NUMB: variants seen among roughly 807,000 people sequenced by gnomAD.
NUMB encodes NUMB endocytic adaptor protein.
In NUMB, 29 loss-of-function variants were observed where a neutral mutation model predicts 59.7. The observed-to-expected ratio is 0.49, with a 90% CI of 0.36 to 0.66. The LOEUF (loss-of-function observed/expected upper bound fraction) is 0.66. Among genes scored for constraint, NUMB ranks in the 30% least tolerant of loss-of-function variants. The probability of loss-of-function intolerance (pLI) is 0.00; values close to 1 mark genes in which losing one functional copy is unlikely to be tolerated. For synonymous variants in NUMB, 288 were observed against 288.2 expected (o/e 1.00, Z 0.01); for missense variants, 723 against 822.0 (o/e 0.88, Z 1.47).
intron 2 of NUMB, among the ~76,000 whole-genome samples, chr14:73,378,020 T>TACAC (rs760071335): frequency 6.9e-4 from 92 of 134,090 alleles, no homozygotes; most frequent in Non-Finnish European, 1.0e-3. Flanking sequence ...CACACACACA[T>TACAC]ACACACACAC....
Position 73,312,355 on chromosome 14 carries a change from C to T in NUMB, c.234+4035G>A, listed in dbSNP as rs114051666. On this transcript the variant is annotated intron_variant, in intron 6 of 12. Coordinates refer to ENST00000555238, the MANE Select transcript of NUMB (RefSeq NM_001005743.2). The stretch of plus-strand genomic sequence containing the variant: ...TTGCAGTGACCGAGACTGCACCAGC[C>T]TGGGTGATGAAGGGGGACTCTGTCT... 3.2e-3 allele frequency among the ~76,000 whole-genome samples: 494 copies of T among 152,156 alleles called. 2 individuals carry two copies. The highest frequency in any genetic ancestry group is 9.2e-3 in the African/African-American group (384 of 41,540).
At chr14:73,353,727 T>C (rs914290582) in intron 4 of NUMB, among the ~76,000 whole-genome samples, 1 of 151,354 alleles carries the variant, frequency 6.6e-6, no homozygotes, top group African/African-American at 2.4e-5. Flanking sequence ...AATAAATAAA[T>C]GAATAAAATC....
chr14:73,426,394 C>A (rs1185739454), intron 1 of NUMB, among the ~76,000 whole-genome samples: 1 of 152,028 alleles, frequency 6.6e-6, no homozygotes, highest in African/African-American at 2.4e-5. Flanking sequence ...GGGGAACAGG[C>A]AAGAAAAATG....
chr14:73,282,127 T>C (rs1888673000), intron 11 of NUMB: 1 of 445,150 alleles, frequency 2.2e-6, no homozygotes, highest in Non-Finnish European at 4.0e-6. Context: ...CCTTATAGAA[T>C]GGGGTGAAAG....
Position 73,284,065 on chromosome 14 carries a change from G to A in NUMB, c.949+16C>T. The A allele has an allele frequency of 6.2e-7, 1 of 1,611,924 alleles. No homozygotes were observed. The highest frequency in any genetic ancestry group is 8.5e-7 in the Non-Finnish European group (1 of 1,178,156). The stretch of plus-strand genomic sequence containing the variant: ...AGTGCTCGAGTACCCAGTGAGTCAG[G>A]TAGATGCTACATTACCTGCATTTTT... On this transcript the variant is annotated intron_variant, in intron 10 of 12. Coordinates refer to ENST00000555238, the MANE Select transcript of NUMB (RefSeq NM_001005743.2).
intron 1 of NUMB, among the ~76,000 whole-genome samples, chr14:73,438,274 A>C (rs1441643259): frequency 6.6e-6 from 1 of 152,248 alleles, no homozygotes; most frequent in Non-Finnish European, 1.5e-5. Context: ...TCTAAGTGTG[A>C]ACACAATATA....
intron 2 of NUMB, among the ~76,000 whole-genome samples, chr14:73,372,209 G>C (rs2140057670): frequency 6.7e-6 from 1 of 149,388 alleles, no homozygotes; most frequent in South Asian, 2.1e-4. Flanking sequence ...CTCCAGCCTG[G>C]GTGACAGAGC....
intron 2 of NUMB, among the ~76,000 whole-genome samples, chr14:73,377,508 T>G (rs1050979799): frequency 1.3e-5 from 2 of 151,726 alleles, no homozygotes; most frequent in Non-Finnish European, 2.9e-5. Flanking sequence ...GGCTTGGTAG[T>G]ACATGCTTGT....
intron 8 of NUMB, among the ~76,000 whole-genome samples, chr14:73,287,855 A>G (rs971777006): frequency 2.0e-5 from 3 of 152,198 alleles, no homozygotes; most frequent in Non-Finnish European, 4.4e-5. Context: ...TGCTTTTGTA[A>G]GCAGCCATGG....
At position 73,290,312 on chromosome 14, in the gene NUMB, G is replaced by A. The variant is rs1222749932; in HGVS notation, c.450+2422C>T. Among the ~76,000 whole-genome samples the A allele has an allele frequency of 7.2e-5, 11 of 152,248 alleles. No individual in the cohort carries two copies. The East Asian group carries it at 1.9e-3, about 27-fold the overall frequency. On this transcript the variant is annotated intron_variant, in intron 8 of 12. Coordinates refer to ENST00000555238, the MANE Select transcript of NUMB (RefSeq NM_001005743.2). ...ATGAAGGACAGCTTACACAATATTC[G>A]CTAAAATTTTTGGAGTAATGTGGCC... is the stretch of plus-strand genomic sequence containing the variant.
chr14:73,338,773 G>A (rs952124513), intron 4 of NUMB, among the ~76,000 whole-genome samples: 1 of 152,216 alleles, frequency 6.6e-6, no homozygotes. Flanking sequence ...GAGGGCCCAT[G>A]GATGACAGCT....
At chr14:73,364,651 A>G (rs1894252887) in intron 3 of NUMB, among the ~76,000 whole-genome samples, 1 of 152,138 alleles carries the variant, frequency 6.6e-6, no homozygotes, top group Admixed American at 6.5e-5. Flanking sequence ...TTTTTTAGAC[A>G]GGGTCTTGCT....
chr14:73,371,988 T>G (rs1374490749), intron 2 of NUMB, among the ~76,000 whole-genome samples: 1 of 152,024 alleles, frequency 6.6e-6, no homozygotes, highest in East Asian at 1.9e-4. Flanking sequence ...TCCCAGGACT[T>G]TGGAAGGCAG....
rs114931514 is a variant in NUMB, at chr14:73,292,677, G to A, written c.450+57C>T. ...GAAACCGCTTGGCTGAGCAAACCCA[G>A]AAAGAGCCCAGCTAACTGAGAATAC... On this transcript the variant is annotated intron_variant, in intron 8 of 12. Coordinates refer to ENST00000555238, the MANE Select transcript of NUMB (RefSeq NM_001005743.2). 8.7e-4 allele frequency: 1,381 copies of A among 1,584,494 alleles called. 10 individuals are homozygous for A. The African/African-American group carries it at 0.017, about 20-fold the overall frequency.
chr14:73,371,257 C>T (rs188535495), intron 2 of NUMB, among the ~76,000 whole-genome samples: 71 of 152,116 alleles, frequency 4.7e-4, no homozygotes, highest in African/African-American at 1.4e-3. Flanking sequence ...ATATAACAGC[C>T]GGGCTCAGTG....
intron 6 of NUMB, 193 bp from the exon 7 acceptor site, chr14:73,297,478 G>A: frequency 2.3e-6 from 1 of 443,914 alleles, no homozygotes; most frequent in East Asian, 3.6e-5. Context: ...ACAAGCCAAA[G>A]CCATTATTTT....
chr14:73,422,019 A>C (rs1382312745), intron 1 of NUMB, among the ~76,000 whole-genome samples: 1 of 151,990 alleles, frequency 6.6e-6, no homozygotes, highest in Non-Finnish European at 1.5e-5. Flanking sequence ...GGGTGACCGT[A>C]GTCAATCCCA....
At chr14:73,389,429 T>A (rs907283252) in intron 2 of NUMB, among the ~76,000 whole-genome samples, 11 of 151,926 alleles carry the variant, frequency 7.2e-5, no homozygotes, top group Non-Finnish European at 1.3e-4. Context: ...TTCAAGCGAT[T>A]CTCCTGCCTC....
chr14:73,428,516 A>G (rs1566792995), intron 1 of NUMB, among the ~76,000 whole-genome samples: 1 of 152,338 alleles, frequency 6.6e-6, no homozygotes, highest in Admixed American at 6.5e-5. Flanking sequence ...AAACATGGCT[A>G]GGCACAGCGC....
Sources: allele counts gnomAD v4.1 joint callset (sites outside exome capture counted in the v4.1 genomes callset), GRCh38; gene constraint gnomAD v4.1.1; transcripts MANE v1.5; gene names NCBI Gene and HGNC (gene_info 2026-07-23, HGNC 2026-07-21).